Variants in ATXN7L1 observed in about 807,000 individuals in gnomAD.
ATXN7L1 encodes ataxin-7-like protein 1.
Under a neutral mutation model 70.8 loss-of-function variants are expected in ATXN7L1, and 15 were observed. That is an observed-to-expected ratio of 0.21 (90% CI 0.14 to 0.33). ATXN7L1 has a LOEUF of 0.33. Ranked by LOEUF, ATXN7L1 falls within the 10% of genes least tolerant of loss-of-function variation. The pLI is 1.00. For missense variants in ATXN7L1, 975 were observed against 1,097.1 expected, an observed-to-expected ratio of 0.89 and a Z score of 1.57; for synonymous variants, 440 against 445.1, an observed-to-expected ratio of 0.99 and a Z score of 0.14.
At chr7:105,824,810 A>G (rs1810632411) in intron 2 of ATXN7L1, among the ~76,000 whole-genome samples, 1 of 151,946 alleles carries the variant, frequency 6.6e-6, no homozygotes, top group Non-Finnish European at 1.5e-5. Flanking sequence ...ACCCAAAGAA[A>G]GAAAAAAAGA....
intron 3 of ATXN7L1, among the ~76,000 whole-genome samples, chr7:105,724,468 G>A (rs1795560348): frequency 6.6e-6 from 1 of 151,088 alleles, no homozygotes; most frequent in Admixed American, 6.6e-5. Context: ...CAGCTACTCA[G>A]GAGGCTGGAA....
In ATXN7L1 at chr7:105,649,491, C is replaced by T. The variant is rs990979428; in HGVS notation, c.579-6370G>A. 7.5e-5 allele frequency: 74 copies of T among 987,796 alleles called. 1 individual carries two copies. The highest frequency in any genetic ancestry group is 3.1e-4 in the Admixed American group (5 of 16,276). The allele number at this position is 987,796 out of a possible 1,614,324, so 61.2% of individuals were successfully genotyped here. A position where few individuals can be genotyped will look rare whatever the true frequency, so the allele number is the denominator to read the frequency against. The stretch of plus-strand genomic sequence containing the variant: ...CTGAATTTATCTTTCTAGATCAAGG[C>T]GGGTCCTCTGGCTTTAAGAAACATG... On this transcript the variant is annotated intron_variant, in intron 4 of 11. Coordinates refer to ENST00000419735, the MANE Select transcript of ATXN7L1 (RefSeq NM_020725.2).
At position 105,642,822 on chromosome 7, in the gene ATXN7L1, C is replaced by A; in HGVS notation, c.862+16G>T. 2 of 1,545,348 alleles carry A rather than the reference C, an allele frequency of 1.3e-6. No homozygotes were observed. The highest frequency in any genetic ancestry group is 8.7e-7 in the Non-Finnish European group (1 of 1,143,120). On this transcript the variant is annotated intron_variant, in intron 5 of 11. Transcript: ENST00000419735. ...AGTCTAATCATGAGTCAGACCCTGACGACACTGACACATACCTGAAAGTCT... is the reference window on the plus strand; with the variant it reads ...AGTCTAATCATGAGTCAGACCCTGAAGACACTGACACATACCTGAAAGTCT...
intron 3 of ATXN7L1, among the ~76,000 whole-genome samples, chr7:105,731,895 C>T (rs1012533812): frequency 6.6e-6 from 1 of 151,540 alleles, no homozygotes; most frequent in African/African-American, 2.4e-5. Context: ...GAGTTTGAGA[C>T]CAGCCTGGCC....
At chr7:105,837,518 T>C (rs892794153) in intron 2 of ATXN7L1, among the ~76,000 whole-genome samples, 5 of 151,548 alleles carry the variant, frequency 3.3e-5, no homozygotes, top group African/African-American at 1.2e-4. Context: ...TATACTACTA[T>C]CTGGCTGTTT....
intron 2 of ATXN7L1, among the ~76,000 whole-genome samples, chr7:105,820,948 G>C (rs189565340): frequency 1.3e-5 from 2 of 152,298 alleles, no homozygotes; most frequent in African/African-American, 4.8e-5. Context: ...TAATCTTCTT[G>C]AGGCTTTTAC....
rs1448505366 is a variant in ATXN7L1, at chr7:105,622,549, G to C, written c.1395+1526C>G. Reference sequence around the variant, plus strand: ...CTACCACCCACTCCCACCTCTCTCTGTCTTTTCCTTGCTAACAGAACCACA... The same window carrying C: ...CTACCACCCACTCCCACCTCTCTCTCTCTTTTCCTTGCTAACAGAACCACA... On this transcript the variant is annotated intron_variant, in intron 8 of 11. Transcript: ENST00000419735. 2.0e-5 allele frequency among the ~76,000 whole-genome samples: 3 copies of C among 152,188 alleles called. No individual in the cohort carries two copies. The East Asian group carries it at 5.8e-4, about 29-fold the overall frequency.
chr7:105,684,780 C>T (rs538875466), intron 3 of ATXN7L1, among the ~76,000 whole-genome samples: 3 of 152,302 alleles, frequency 2.0e-5, no homozygotes, highest in East Asian at 1.9e-4. Context: ...GAGGGCAACT[C>T]GATACATCCC....
At chr7:105,691,816 G>T (rs1168717229) in intron 3 of ATXN7L1, among the ~76,000 whole-genome samples, 2 of 152,194 alleles carry the variant, frequency 1.3e-5, no homozygotes, top group Non-Finnish European at 2.9e-5. Flanking sequence ...ACCAGCTGCA[G>T]TCAATACCAG....
At chr7:105,644,753 G>A (rs1362085770) in intron 4 of ATXN7L1, among the ~76,000 whole-genome samples, 1 of 152,174 alleles carries the variant, frequency 6.6e-6, no homozygotes, top group African/African-American at 2.4e-5. Context: ...AATTCTTCTA[G>A]GCTTATTCCT....
At chr7:105,654,355 C>G in intron 4 of ATXN7L1, among the ~76,000 whole-genome samples, 1 of 152,274 alleles carries the variant, frequency 6.6e-6, no homozygotes, top group East Asian at 1.9e-4. Flanking sequence ...GAGTTATGCA[C>G]TCACGTGCAA....
At chr7:105,719,129 GAACAGGTA>G (rs1448485008) in intron 3 of ATXN7L1, among the ~76,000 whole-genome samples, 1 of 152,196 alleles carries the variant, frequency 6.6e-6, no homozygotes, top group African/African-American at 2.4e-5. Context: ...AGGAGCCGAA[GAACAGGTA>G]AATGAAGGGA....
chr7:105,876,167 G>A (rs1360720707), intron 1 of ATXN7L1, among the ~76,000 whole-genome samples: 3 of 152,064 alleles, frequency 2.0e-5, no homozygotes, highest in Non-Finnish European at 4.4e-5. Context: ...ACGGGGAGCC[G>A]GGCACAGACA....
At chr7:105,676,199 A>G (rs925080191) in intron 3 of ATXN7L1, among the ~76,000 whole-genome samples, 2 of 152,154 alleles carry the variant, frequency 1.3e-5, no homozygotes, top group Non-Finnish European at 2.9e-5. Context: ...TTATGGCTCT[A>G]TCTGCTCCCC....
chr7:105,620,912 AAAC>A (rs1478167148), intron 8 of ATXN7L1, among the ~76,000 whole-genome samples: 2 of 139,690 alleles, frequency 1.4e-5, no homozygotes, highest in African/African-American at 2.6e-5. Context: ...AAAAAAAAAG[AAAC>A]AACAACCAAC....
chr7:105,788,229 G>A (rs761099930), intron 3 of ATXN7L1: 90 of 190,008 alleles, frequency 4.7e-4, no homozygotes, highest in Middle Eastern at 4.7e-3. Flanking sequence ...TGTAAGTCTC[G>A]GGGAGACTCT....
intron 3 of ATXN7L1, among the ~76,000 whole-genome samples, chr7:105,767,914 G>C (rs1399048284): frequency 1.3e-5 from 2 of 152,218 alleles, no homozygotes; most frequent in African/African-American, 4.8e-5. Flanking sequence ...CTGGAGTGCA[G>C]AGCCTGCAGT....
intron 3 of ATXN7L1, among the ~76,000 whole-genome samples, chr7:105,714,759 T>C (rs1027844121): frequency 3.9e-5 from 6 of 152,218 alleles, no homozygotes; most frequent in Admixed American, 3.3e-4. Context: ...GCCTCCTGGA[T>C]TCAAGCAATT....
chr7:105,754,213 T>C (rs1345082154), intron 3 of ATXN7L1, among the ~76,000 whole-genome samples: 2 of 152,108 alleles, frequency 1.3e-5, no homozygotes, highest in Non-Finnish European at 2.9e-5. Flanking sequence ...TGGTCGACCC[T>C]GGGCTTCAGA....
Sources: allele counts gnomAD v4.1 joint callset (sites outside exome capture counted in the v4.1 genomes callset), GRCh38; gene constraint gnomAD v4.1.1; transcripts MANE v1.5; gene names NCBI Gene and HGNC (gene_info 2026-07-23, HGNC 2026-07-21).